PTGER3: variants seen among roughly 807,000 people sequenced by gnomAD.
The protein encoded by PTGER3 is prostaglandin E receptor 3.
In PTGER3, 22 loss-of-function variants were observed where a neutral mutation model predicts 34.7. That is an observed-to-expected ratio of 0.63 (90% CI 0.45 to 0.91). PTGER3 has a LOEUF of 0.91. Ranked by LOEUF, PTGER3 falls within the 40% of genes least tolerant of loss-of-function variation. The pLI, the probability that PTGER3 is intolerant of heterozygous loss-of-function variation, is 0.00. For missense variants in PTGER3, 468 were observed against 519.4 expected (o/e 0.90, Z 0.96); for synonymous variants, 241 against 230.1 (o/e 1.05, Z -0.43).
exon 4 of PTGER3, chr1:70,952,705 C>G (rs760897795): frequency 4.1e-6 from 5 of 1,225,984 alleles, no homozygotes; most frequent in Non-Finnish European, 5.1e-6. Flanking sequence ...TTGGGTAGTT[C>G]GAGTGACCAA....
intron 2 of PTGER3, among the ~76,000 whole-genome samples, chr1:70,982,322 T>C (rs893802316): frequency 3.3e-5 from 5 of 152,150 alleles, no homozygotes; most frequent in African/African-American, 7.2e-5. Flanking sequence ...GGGAATATCA[T>C]TTGTGATTGG....
chr1:70,931,365 G>A (rs938376044), intron 4 of PTGER3, among the ~76,000 whole-genome samples: 12 of 152,178 alleles, frequency 7.9e-5, no homozygotes, highest in African/African-American at 2.7e-4. Flanking sequence ...CCATTCTGGG[G>A]TCTGGAGGAC....
chr1:70,892,759 T>C (rs1207084241), intron 4 of PTGER3, among the ~76,000 whole-genome samples: 1 of 146,948 alleles, frequency 6.8e-6, no homozygotes, highest in African/African-American at 2.5e-5. Context: ...GAGAATTGCT[T>C]GAACCCAGGA....
At chr1:70,877,139 G>A (rs1044255941) in intron 4 of PTGER3, among the ~76,000 whole-genome samples, 1 of 152,146 alleles carries the variant, frequency 6.6e-6, no homozygotes, top group Non-Finnish European at 1.5e-5. Context: ...TTTGAGCAGT[G>A]TTTTGTAATT....
intron 2 of PTGER3, chr1:71,007,467 A>G (rs1241945966): frequency 1.5e-5 from 15 of 985,286 alleles, no homozygotes; most frequent in Non-Finnish European, 1.8e-5. Flanking sequence ...GCCACTCAGT[A>G]GTACTACTGA....
chr1:70,862,641 A>C (rs1645952142), intron 4 of PTGER3, among the ~76,000 whole-genome samples: 2 of 152,218 alleles, frequency 1.3e-5, no homozygotes, highest in Non-Finnish European at 2.9e-5. Flanking sequence ...AGAAAACCAA[A>C]CCAAAGAAAA....
At chr1:70,974,205 A>G (rs1653440045) in intron 3 of PTGER3, 92 bp downstream of exon 3, 3 of 1,505,336 alleles carry the variant, frequency 2.0e-6, no homozygotes, top group Admixed American at 2.2e-5. Flanking sequence ...TTTAATTCTC[A>G]GAGATGGTCT....
chr1:71,040,190 G>A (rs1393175453), intron 1 of PTGER3, among the ~76,000 whole-genome samples: 1 of 151,362 alleles, frequency 6.6e-6, no homozygotes, highest in Non-Finnish European at 1.5e-5. Flanking sequence ...GGAAGGGAAG[G>A]GAAAGGAAAG....
At chr1:70,916,971 C>T (rs77235739) in intron 4 of PTGER3, among the ~76,000 whole-genome samples, 289 of 151,960 alleles carry the variant, frequency 1.9e-3, no homozygotes, top group African/African-American at 6.4e-3. Flanking sequence ...CATGATATAA[C>T]GGTCAAATTG....
At chr1:71,008,337 C>A in intron 2 of PTGER3, 1 of 868,512 alleles carries the variant, frequency 1.2e-6, no homozygotes, top group Non-Finnish European at 1.4e-6. Flanking sequence ...AATTATATTT[C>A]TAGAGAATCA....
intron 4 of PTGER3, among the ~76,000 whole-genome samples, chr1:70,876,378 T>C (rs1480677117): frequency 1.3e-5 from 2 of 151,638 alleles, no homozygotes; most frequent in Non-Finnish European, 2.9e-5. Flanking sequence ...TTTTCTCCCA[T>C]TCTCTAGGTT....
intron 4 of PTGER3, among the ~76,000 whole-genome samples, chr1:70,941,976 CTG>C (rs1649801949): frequency 6.6e-6 from 1 of 152,106 alleles, no homozygotes; most frequent in Non-Finnish European, 1.5e-5. Context: ...ACTTACAAGA[CTG>C]TGATGACGAC....
chr1:71,035,809 T>C (rs1046154697), intron 1 of PTGER3, among the ~76,000 whole-genome samples: 5 of 152,216 alleles, frequency 3.3e-5, no homozygotes, highest in African/African-American at 1.2e-4. Flanking sequence ...TTCTTTCAGT[T>C]CCTCCAATGC....
chr1:70,963,988 T>A (rs756832118), intron 2 of PTGER3, among the ~76,000 whole-genome samples: 1 of 152,164 alleles, frequency 6.6e-6, no homozygotes, highest in South Asian at 2.1e-4. Flanking sequence ...TCCACATATA[T>A]CTAGGGCAGA....
chr1:70,870,618 G>A (rs1308724207), intron 4 of PTGER3, among the ~76,000 whole-genome samples: 4 of 152,186 alleles, frequency 2.6e-5, no homozygotes, highest in Non-Finnish European at 5.9e-5. Flanking sequence ...AACATAGGCT[G>A]TTAGAAGAAC....
chr1:70,901,279 A>T (rs1646833492), intron 4 of PTGER3, among the ~76,000 whole-genome samples: 1 of 152,162 alleles, frequency 6.6e-6, no homozygotes, highest in South Asian at 2.1e-4. Context: ...GGACTAAAGG[A>T]GCTGTAAGAC....
chr1:70,972,419 G>C (rs1653186122), intron 3 of PTGER3, among the ~76,000 whole-genome samples: 2 of 151,982 alleles, frequency 1.3e-5, no homozygotes, highest in Admixed American at 1.3e-4. Context: ...TTCACACACG[G>C]TTGATGAAAT....
rs1032853196 is a variant in PTGER3, at chr1:70,980,789, G to A, written c.1078-6401C>T. On this transcript the variant is annotated intron_variant, in intron 2 of 3. Coordinates refer to ENST00000306666, the MANE Select transcript of PTGER3 (RefSeq NM_198719.2). ...ATGCTAGCCTCACCTAGAGGTTCTT[G>A]TAAGGGAAATTCCCTGGCCCACAAC... Among the ~76,000 whole-genome samples the A allele has an allele frequency of 2.0e-5, 3 of 152,236 alleles. No individual in the cohort carries two copies. In the South Asian group the frequency reaches 6.2e-4, roughly 32 times the overall value.
At chr1:70,858,102 A>G (rs115157591) in intron 4 of PTGER3, among the ~76,000 whole-genome samples, 2,586 of 152,276 alleles carry the variant, frequency 0.017, 76 homozygotes, top group African/African-American at 0.059. Context: ...GTGACCCTAG[A>G]AAGTTCACTT....
Sources: allele counts gnomAD v4.1 joint callset (sites outside exome capture counted in the v4.1 genomes callset), GRCh38; gene constraint gnomAD v4.1.1; transcripts MANE v1.5; gene names NCBI Gene and HGNC (gene_info 2026-07-23, HGNC 2026-07-21).